The following PCDH11X variants were observed in gnomAD, a reference collection of about 807,000 sequenced individuals.
The protein encoded by PCDH11X is protocadherin-11 X-linked.
PCDH11X carries 18 observed loss-of-function variants against 53.3 expected under a neutral mutation model. That is an observed-to-expected ratio of 0.34 (90% CI 0.23 to 0.50). The LOEUF is 0.50. Among genes scored for constraint, PCDH11X ranks in the 20% least tolerant of loss-of-function variants. PCDH11X has a pLI of 0.98. For missense variants in PCDH11X, 570 were observed against 1,032.4 expected (o/e 0.55, Z 6.14); for synonymous variants, 279 against 393.3 (o/e 0.71, Z 3.44).
intron 10 of PCDH11X, among the ~76,000 whole-genome samples, chrX:92,577,635 T>C (rs1225927966): frequency 3.6e-5 from 4 of 111,210 alleles, no homozygotes; most frequent in Non-Finnish European, 7.5e-5. Context: ...AGTTGTGATA[T>C]TAGAATGTCA....
chrX:92,507,359 A>G (rs377752985), intron 10 of PCDH11X, among the ~76,000 whole-genome samples: 3 of 110,720 alleles, frequency 2.7e-5, no homozygotes, highest in Non-Finnish European at 5.7e-5. Context: ...GTGGGTGTTT[A>G]GGGCTATAAA....
intron 4 of PCDH11X, among the ~76,000 whole-genome samples, chrX:91,833,906 C>T (rs1370646115): frequency 9.0e-6 from 1 of 111,235 alleles, no homozygotes; most frequent in Non-Finnish European, 1.9e-5. Flanking sequence ...AGAACAATTA[C>T]TAAAACTTGT....
At chrX:92,413,748 G>A (rs1465180748) in intron 9 of PCDH11X, among the ~76,000 whole-genome samples, 1 of 109,196 alleles carries the variant, frequency 9.2e-6, no homozygotes, top group Non-Finnish European at 1.9e-5. Flanking sequence ...AATAAGACAT[G>A]GATTTGTGCT....
At chrX:92,533,652 C>T (rs1351053300) in intron 10 of PCDH11X, among the ~76,000 whole-genome samples, 3 of 103,230 alleles carry the variant, frequency 2.9e-5, no homozygotes, top group Non-Finnish European at 5.9e-5. Context: ...CTAATTTGCT[C>T]TCTCAAATTT....
intron 5 of PCDH11X, among the ~76,000 whole-genome samples, chrX:91,871,745 C>T (rs1939323726): frequency 2.7e-5 from 3 of 111,330 alleles, no homozygotes; most frequent in South Asian, 3.7e-4. Context: ...TCACATCCAA[C>T]GTCAACTTTC....
intron 10 of PCDH11X, among the ~76,000 whole-genome samples, chrX:92,470,828 A>G (rs2073247521): frequency 1.8e-5 from 2 of 109,742 alleles, no homozygotes. Context: ...GATGTTTTCA[A>G]TGTGTTGTTG....
At position 92,620,293 on chromosome X, in the gene PCDH11X, A is replaced by G. The variant is rs1379381106; in HGVS notation, c.*1353A>G. On this transcript the variant is annotated 3_prime_UTR_variant, in exon 11 of 11. Coordinates refer to ENST00000682573, the MANE Select transcript of PCDH11X (RefSeq NM_032968.5). ...AACAGTACTATTCATAGAAAACATTAGTTTTCTTCTGTTGTCTGTTATTTC... is the reference window on the plus strand; with the variant it reads ...AACAGTACTATTCATAGAAAACATTGGTTTTCTTCTGTTGTCTGTTATTTC... The G allele has an allele frequency of 9.0e-6, 1 of 110,896 alleles. No individual in the cohort carries two copies. Among genetic ancestry groups the G allele is most frequent in the Non-Finnish European group, 1.9e-5 (1 of 52,919 alleles). The allele number at this position is 110,896 out of a possible 1,213,427, so 9.1% of individuals were successfully genotyped here. A position where few individuals can be genotyped will look rare whatever the true frequency, so the allele number is the denominator to read the frequency against.
intron 10 of PCDH11X, among the ~76,000 whole-genome samples, chrX:92,495,217 C>T (rs1319672879): frequency 1.8e-5 from 2 of 110,991 alleles, no homozygotes; most frequent in African/African-American, 3.3e-5. Context: ...ATCTGCATAC[C>T]GTCTCTTTCC....
intron 6 of PCDH11X, among the ~76,000 whole-genome samples, chrX:91,985,456 G>A (rs1009488649): frequency 7.1e-5 from 8 of 112,421 alleles, no homozygotes; most frequent in African/African-American, 1.9e-4. Flanking sequence ...AGTGAGCCGC[G>A]ATCGTGCCAC....
chrX:92,203,875 G>A (rs186326271), intron 7 of PCDH11X, among the ~76,000 whole-genome samples: 29 of 112,175 alleles, frequency 2.6e-4, no homozygotes, highest in African/African-American at 9.1e-4. Flanking sequence ...ATCAAGTGCA[G>A]GGTCTGGAAA....
At chrX:92,152,409 AT>A (rs1197608526) in intron 6 of PCDH11X, among the ~76,000 whole-genome samples, 2 of 111,521 alleles carry the variant, frequency 1.8e-5, no homozygotes, top group Admixed American at 9.6e-5. Flanking sequence ...ATTAAAAAAA[AT>A]ATTAAATCAA....
intron 9 of PCDH11X, among the ~76,000 whole-genome samples, chrX:92,439,883 G>A (rs990811784): frequency 1.2e-5 from 1 of 86,425 alleles, no homozygotes; most frequent in Non-Finnish European, 2.4e-5. Flanking sequence ...TAAACCACAA[G>A]ATGTTATAAA....
At chrX:91,833,089 A>G (rs988320306) in intron 4 of PCDH11X, among the ~76,000 whole-genome samples, 2 of 100,526 alleles carry the variant, frequency 2.0e-5, no homozygotes, top group African/African-American at 3.6e-5. Flanking sequence ...CTTATAAGTC[A>G]GAATATCCTG....
intron 8 of PCDH11X, among the ~76,000 whole-genome samples, chrX:92,369,763 C>A (rs888424926): frequency 4.5e-5 from 5 of 111,433 alleles, no homozygotes; most frequent in Non-Finnish European, 9.4e-5. Flanking sequence ...GGTCCCCCAG[C>A]TTCATGTACT....
rs201750443 is a variant in PCDH11X at position 92,236,349 on chromosome X, G to T, written c.3115-26765G>T. On this transcript the variant is annotated intron_variant, in intron 7 of 10. Coordinates refer to ENST00000682573, the MANE Select transcript of PCDH11X (RefSeq NM_032968.5). ...TTTTGAAAATGAGCTATGTTTATTT[G>T]CATTGTGAGAAAACAAATAGGTAAC... 2.2e-4 allele frequency among the ~76,000 whole-genome samples: 25 copies of T among 111,342 alleles called. No homozygotes were observed. In the East Asian group the frequency reaches 6.8e-3, roughly 30 times the overall value.
intron 8 of PCDH11X, chrX:92,288,144 A>G (rs2068419962): frequency 2.8e-6 from 1 of 360,288 alleles, no homozygotes; most frequent in Non-Finnish European, 4.9e-6. Flanking sequence ...TACACGATCC[A>G]TGCTACTGCA....
At chrX:91,808,268 G>A (rs1006616066) in intron 1 of PCDH11X, among the ~76,000 whole-genome samples, 2 of 106,531 alleles carry the variant, frequency 1.9e-5, no homozygotes, top group Non-Finnish European at 3.9e-5. Context: ...AGGCCAAGGC[G>A]GGCAAATCAT....
chrX:92,154,742 A>G (rs1222522394), intron 6 of PCDH11X, among the ~76,000 whole-genome samples: 27 of 107,578 alleles, frequency 2.5e-4, no homozygotes, highest in Admixed American at 5.0e-4. Flanking sequence ...AACAACACAG[A>G]GTCTGGCCAG....
At position 92,432,787 on chromosome X, in the gene PCDH11X, G is replaced by T. The variant is rs974397058; in HGVS notation, c.3344-35512G>T. Reference sequence around the variant, plus strand: ...CAATTGTGTTTTTACTACTGGCTATGAAGTTTTATAATTAGAGCTCTGAAT... The same window carrying T: ...CAATTGTGTTTTTACTACTGGCTATTAAGTTTTATAATTAGAGCTCTGAAT... On this transcript the variant is annotated intron_variant, in intron 9 of 10. Coordinates refer to ENST00000682573, the MANE Select transcript of PCDH11X (RefSeq NM_032968.5). 5.6e-5 allele frequency among the ~76,000 whole-genome samples: 6 copies of T among 106,977 alleles called. No individual in the cohort carries two copies. In the East Asian group the frequency reaches 1.8e-3, roughly 31 times the overall value. 92.9% of individuals were successfully genotyped at this position (106,977 alleles called of 115,157 possible).
Sources: allele counts gnomAD v4.1 joint callset (sites outside exome capture counted in the v4.1 genomes callset), GRCh38; gene constraint gnomAD v4.1.1; transcripts MANE v1.5; gene names NCBI Gene and HGNC (gene_info 2026-07-23, HGNC 2026-07-21).